Variants in PRAG1 observed in about 807,000 individuals in gnomAD.
The protein encoded by PRAG1 is PEAK1 related, kinase-activating pseudokinase 1.
In PRAG1, 110 loss-of-function variants were observed where a neutral mutation model predicts 95.6. The ratio of observed to expected loss-of-function variants is 1.15; its 90% CI spans 0.99 to 1.35. PRAG1 has a LOEUF of 1.35. Among genes scored for constraint, PRAG1 ranks in the 40% most tolerant of loss-of-function variants. The pLI, the probability that PRAG1 is intolerant of heterozygous loss-of-function variation, is 0.00. For synonymous variants in PRAG1, 1,052 were observed against 819.4 expected (o/e 1.28, Z -4.85); for missense variants, 2,554 against 1,864.7 (o/e 1.37, Z -6.81).
At chr8:8,336,315 A>C (rs1798981818) in intron 4 of PRAG1, among the ~76,000 whole-genome samples, 1 of 152,222 alleles carries the variant, frequency 6.6e-6, no homozygotes, top group Non-Finnish European at 1.5e-5. Context: ...TAAAGCAAAA[A>C]GGTCTCTTGA....
intron 3 of PRAG1, among the ~76,000 whole-genome samples, chr8:8,358,232 G>A (rs1799741457): frequency 6.6e-6 from 1 of 152,198 alleles, no homozygotes; most frequent in African/African-American, 2.4e-5. Context: ...AAAGGATACA[G>A]AAGAAGAGAA....
intron 4 of PRAG1, among the ~76,000 whole-genome samples, chr8:8,333,303 A>G (rs941710019): frequency 1.3e-5 from 2 of 152,322 alleles, no homozygotes; most frequent in Non-Finnish European, 2.9e-5. Flanking sequence ...CGAATTTCCA[A>G]TTCTGCATAT....
intron 5 of PRAG1, 74 bp downstream of exon 5, chr8:8,327,636 G>C (rs904894665): frequency 3.3e-6 from 5 of 1,502,496 alleles, no homozygotes; most frequent in East Asian, 4.6e-5. Context: ...GAAATGACTT[G>C]CTCAGGCCAC....
chr8:8,385,887 C>A (rs1800830326), intron 1 of PRAG1, among the ~76,000 whole-genome samples: 2 of 152,022 alleles, frequency 1.3e-5, no homozygotes, highest in Non-Finnish European at 2.9e-5. Flanking sequence ...CCCAAACCAT[C>A]CCCCCGGGTC....
At position 8,318,594 on chromosome 8, in the gene PRAG1, T is replaced by G. The variant is rs575814772; in HGVS notation, c.3781A>C (p.Ile1261Leu). 4.3e-6 allele frequency: 7 copies of G among 1,612,794 alleles called. No homozygotes were observed. The African/African-American group carries it at 8.0e-5, about 19-fold the overall frequency. The stretch of plus-strand genomic sequence containing the variant: ...TTGGGTTGGTGCAGCAGCTCGTAGA[T>G]GAGGATGCCTGTCTGGAACTCATCG... The part of the protein sequence containing the change: ...KFDEFQTGIL[I>L]YELLHQPNPF... Residue 1261 changes from isoleucine to leucine, a missense_variant, in exon 6 of 6, where the codon ATC (isoleucine) becomes CTC (leucine). Physicochemically the swap from Ile to Leu is conservative, Grantham distance 5 (BLOSUM62 2). Transcript: ENST00000615670. The surrounding 1 kb of genome is among the most constrained non-coding windows in gnomAD (Gnocchi z 4.2).
At chr8:8,332,953 T>C (rs185627221) in intron 4 of PRAG1, among the ~76,000 whole-genome samples, 1 of 152,284 alleles carries the variant, frequency 6.6e-6, no homozygotes, top group East Asian at 1.9e-4. Context: ...AGGGAACAAA[T>C]ATACCCTGAC....
rs779955794 is a variant in PRAG1 at position 8,327,824 on chromosome 8, C to G, written c.2958G>C (p.Glu986Asp). Residue 986 changes from glutamate to aspartate, a missense_variant, in exon 5 of 6, where the codon GAG becomes GAC. By Grantham distance (45) the Glu-to-Asp change is conservative. Coordinates refer to ENST00000615670, the MANE Select transcript of PRAG1 (RefSeq NM_001080826.3). The part of the protein sequence containing the change: ...GGQKKELHFN[E>D]NNWSLFKLTC... ...TCAGCTTGAAGAGCGACCAGTTATT[C>G]TCATTGAAGTGGAGCTCCTTTTTCT... The G allele has an allele frequency of 6.2e-7, 1 of 1,614,214 alleles. No homozygotes were observed. Among genetic ancestry groups the G allele is most frequent in the Non-Finnish European group, 8.5e-7 (1 of 1,180,040 alleles).
chr8:8,371,955 A>G (rs1800223845), intron 3 of PRAG1, among the ~76,000 whole-genome samples: 1 of 152,166 alleles, frequency 6.6e-6, no homozygotes, highest in African/African-American at 2.4e-5. Context: ...GACCATTTAG[A>G]CACTGAAACC....
Position 8,376,577 on chromosome 8 carries a change from C to A in PRAG1, c.1832G>T (p.Arg611Met), listed in dbSNP as rs558954800. ...TNGVAISDPS[R>M]CPQPAASSAS... ...TGACGAGGCGGCAGGCTGGGGACAC[C>A]TGGATGGGTCACTGATAGCGACACC... Residue 611 changes from arginine to methionine, a missense_variant, in exon 3 of 6, where the codon AGG (arginine) becomes ATG (methionine). Coordinates refer to ENST00000615670, the MANE Select transcript of PRAG1 (RefSeq NM_001080826.3). The A allele has an allele frequency of 6.8e-6, 11 of 1,607,012 alleles. No homozygotes were observed. In the South Asian group the frequency reaches 1.2e-4, roughly 18 times the overall value.
At chr8:8,386,236 C>A (rs190162471) in intron 1 of PRAG1, 85 bp downstream of exon 1, 1 of 152,376 alleles carries the variant, frequency 6.6e-6, no homozygotes, top group Non-Finnish European at 1.5e-5. Flanking sequence ...GCTCGGCGAT[C>A]GCAGCGCCCC....
At chr8:8,345,729 A>G (rs1563238726) in intron 3 of PRAG1, among the ~76,000 whole-genome samples, 1 of 152,176 alleles carries the variant, frequency 6.6e-6, no homozygotes, top group Non-Finnish European at 1.5e-5. Context: ...CGGGAGGCGG[A>G]GGTTGCAGTG....
intron 3 of PRAG1, among the ~76,000 whole-genome samples, chr8:8,343,047 G>T (rs963157664): frequency 1.3e-5 from 2 of 152,036 alleles, no homozygotes; most frequent in Non-Finnish European, 1.5e-5. Flanking sequence ...AAAAAAGAGT[G>T]CCTATAAATC....
chr8:8,345,367 CAA>C (rs202100503), intron 3 of PRAG1, among the ~76,000 whole-genome samples: 12 of 79,028 alleles, frequency 1.5e-4, no homozygotes, highest in Admixed American at 2.7e-4. Flanking sequence ...CCTGTCTCTA[CAA>C]AAAAAAAAAA....
In PRAG1 at chr8:8,328,378, C is replaced by A. The variant is rs1798714090; in HGVS notation, c.2404G>T (p.Glu802Ter). 1.9e-6 allele frequency: 3 copies of A among 1,613,616 alleles called. No homozygotes were observed. The highest frequency in any genetic ancestry group is 2.5e-6 in the Non-Finnish European group (3 of 1,179,922). ...APVPFPSGST[E>*]DVSPSGPQQP... ...TGGGGGCCACTGGGGGACACGTCCT[C>A]AGTGGAGCCTGAAGGAAACGGAACG... Residue 802 changes from glutamate (E) to a stop codon, truncating the protein, a stop_gained, in exon 5 of 6, where the codon GAG (glutamate) becomes TAG (stop). Transcript: ENST00000615670. LOFTEE classifies it high-confidence loss of function.
intron 3 of PRAG1, among the ~76,000 whole-genome samples, chr8:8,347,817 C>CTT (rs34740023): frequency 0.022 from 3,175 of 145,908 alleles, 77 homozygotes; most frequent in Non-Finnish European, 0.031. Flanking sequence ...CAATTCACAT[C>CTT]TTTTTTTTTT....
At chr8:8,359,062 AAG>A (rs1799769133) in intron 3 of PRAG1, among the ~76,000 whole-genome samples, 1 of 152,246 alleles carries the variant, frequency 6.6e-6, no homozygotes, top group Admixed American at 6.5e-5. Context: ...AGGTTTAATG[AAG>A]AGTTATTGTT....
chr8:8,353,126 C>T (rs866625429), intron 3 of PRAG1, among the ~76,000 whole-genome samples: 1 of 152,124 alleles, frequency 6.6e-6, no homozygotes, highest in Non-Finnish European at 1.5e-5. Flanking sequence ...TAGTAGGAGA[C>T]TTCAACACCT....
intron 5 of PRAG1, among the ~76,000 whole-genome samples, chr8:8,322,048 C>T (rs1460222139): frequency 6.6e-6 from 1 of 152,200 alleles, no homozygotes; most frequent in Non-Finnish European, 1.5e-5. Flanking sequence ...GAGCTCATCC[C>T]TGAAAAATGC....
chr8:8,351,859 C>T (rs1343357829), intron 3 of PRAG1, among the ~76,000 whole-genome samples: 5 of 152,154 alleles, frequency 3.3e-5, no homozygotes, highest in African/African-American at 1.2e-4. Flanking sequence ...ATCTCCTCAT[C>T]CCCCAGCACA....
Sources: allele counts gnomAD v4.1 joint callset (sites outside exome capture counted in the v4.1 genomes callset), GRCh38; gene constraint gnomAD v4.1.1; non-coding constraint Gnocchi (gnomAD v3.1); transcripts MANE v1.5; gene names NCBI Gene and HGNC (gene_info 2026-07-23, HGNC 2026-07-21).